The following FBXW8 variants were observed in gnomAD, a reference collection of about 807,000 sequenced individuals.
FBXW8 encodes the protein F-box/WD repeat-containing protein 8.
Under a neutral mutation model 65.3 loss-of-function variants are expected in FBXW8, and 57 were observed. The ratio of observed to expected loss-of-function variants is 0.87; its 90% CI spans 0.71 to 1.09. FBXW8 has a LOEUF of 1.09. Ranked by LOEUF, FBXW8 falls within the 50% of genes least tolerant of loss-of-function variation. The pLI, the probability that FBXW8 is intolerant of heterozygous loss-of-function variation, is 0.00. For synonymous variants in FBXW8, 308 were observed against 330.2 expected (o/e 0.93, Z 0.73); for missense variants, 777 against 814.8 (o/e 0.95, Z 0.57).
intron 1 of FBXW8, among the ~76,000 whole-genome samples, chr12:116,923,859 T>C (rs1156713859): frequency 6.6e-6 from 1 of 152,188 alleles, no homozygotes; most frequent in Non-Finnish European, 1.5e-5. Flanking sequence ...TAACTGGGAC[T>C]ACAGGCGCCT....
At chr12:117,007,184 A>T (rs1953695434) in intron 7 of FBXW8, among the ~76,000 whole-genome samples, 2 of 152,222 alleles carry the variant, frequency 1.3e-5, no homozygotes, top group South Asian at 4.1e-4. Flanking sequence ...TAGATTTCAG[A>T]TACATCAGAA....
chr12:117,014,268 A>T (rs1953895324), intron 8 of FBXW8, among the ~76,000 whole-genome samples: 1 of 152,014 alleles, frequency 6.6e-6, no homozygotes, highest in Non-Finnish European at 1.5e-5. Flanking sequence ...TTGGTTAAAA[A>T]TTTCCATTTG....
At chr12:116,947,696 G>A (rs551527840) in intron 3 of FBXW8, among the ~76,000 whole-genome samples, 14 of 142,498 alleles carry the variant, frequency 9.8e-5, no homozygotes, top group Non-Finnish European at 1.8e-4. Context: ...CCAAGATTGC[G>A]CCATTGCACT....
At chr12:116,962,343 AG>A (rs1452650007) in intron 4 of FBXW8, among the ~76,000 whole-genome samples, 1 of 152,216 alleles carries the variant, frequency 6.6e-6, no homozygotes, top group Non-Finnish European at 1.5e-5. Flanking sequence ...CTGGTTCAGC[AG>A]CTAAAGTACC....
At chr12:116,970,653 A>G (rs1444284152) in intron 5 of FBXW8, among the ~76,000 whole-genome samples, 1 of 152,206 alleles carries the variant, frequency 6.6e-6, no homozygotes, top group Non-Finnish European at 1.5e-5. Context: ...TTTTGTTTGT[A>G]TGCTGATGAT....
intron 1 of FBXW8, among the ~76,000 whole-genome samples, chr12:116,923,027 A>C (rs906200349): frequency 6.6e-6 from 1 of 152,152 alleles, no homozygotes; most frequent in Non-Finnish European, 1.5e-5. Flanking sequence ...CAACATGACA[A>C]AACCCTGTCT....
chr12:116,976,125 G>A (rs1051471594), intron 5 of FBXW8, among the ~76,000 whole-genome samples: 1 of 152,130 alleles, frequency 6.6e-6, no homozygotes, highest in Non-Finnish European at 1.5e-5. Flanking sequence ...AATCAAAAAA[G>A]ACTATCAAAT....
At position 116,927,946 on chromosome 12, in the gene FBXW8, C is replaced by A; in HGVS notation, c.319-77C>A. 3 of 828,888 alleles carry A rather than the reference C, an allele frequency of 3.6e-6. No individual in the cohort carries two copies. The South Asian group carries it at 5.0e-5, about 14-fold the overall frequency. 51.3% of individuals were successfully genotyped at this position (828,888 alleles called of 1,614,324 possible). ...GTTACCACCTAAGAATATCTCTGGT[C>A]ATTTAAAGGGCCTGTAAATTTGAGT... On this transcript the variant is annotated intron_variant, in intron 1 of 10. Coordinates refer to ENST00000652555, the MANE Select transcript of FBXW8 (RefSeq NM_153348.3).
chr12:117,018,491 C>T (rs564732552), intron 8 of FBXW8, among the ~76,000 whole-genome samples: 34 of 152,336 alleles, frequency 2.2e-4, no homozygotes, highest in Middle Eastern at 3.4e-3. Context: ...GCACGGCATT[C>T]GGGCCTGTGC....
At chr12:116,955,180 C>T (rs114921516) in intron 4 of FBXW8, among the ~76,000 whole-genome samples, 203 of 152,284 alleles carry the variant, frequency 1.3e-3, no homozygotes, top group Middle Eastern at 6.8e-3. Flanking sequence ...CCATTACCTC[C>T]GTGAGCGCCT....
chr12:116,947,836 A>G (rs1352760565), intron 3 of FBXW8, among the ~76,000 whole-genome samples: 1 of 151,964 alleles, frequency 6.6e-6, no homozygotes, highest in Non-Finnish European at 1.5e-5. Context: ...TCTCTAGAGT[A>G]GGGGCTAGGA....
chr12:116,932,544 T>C (rs973652087), intron 2 of FBXW8, among the ~76,000 whole-genome samples: 1 of 152,214 alleles, frequency 6.6e-6, no homozygotes, highest in Non-Finnish European at 1.5e-5. Flanking sequence ...GGTGTTCTAC[T>C]CTTTCTTTTT....
chr12:116,912,132 C>T (rs983179889), intron 1 of FBXW8, among the ~76,000 whole-genome samples: 2 of 150,832 alleles, frequency 1.3e-5, no homozygotes, highest in Non-Finnish European at 2.9e-5. Context: ...AAGGAAGTCC[C>T]TACAGCTTTA....
intron 7 of FBXW8, among the ~76,000 whole-genome samples, chr12:116,992,717 A>G (rs1471527705): frequency 6.6e-6 from 1 of 151,730 alleles, no homozygotes; most frequent in East Asian, 1.9e-4. Context: ...CCAAGTTGCT[A>G]CAAAGGACAT....
intron 1 of FBXW8, among the ~76,000 whole-genome samples, chr12:116,923,665 A>G (rs1219021751): frequency 6.6e-6 from 1 of 151,748 alleles, no homozygotes; most frequent in Non-Finnish European, 1.5e-5. Context: ...CTGGGACTAC[A>G]GGCGCCTGCC....
chr12:116,923,542 C>G (rs1190196642), intron 1 of FBXW8, among the ~76,000 whole-genome samples: 1 of 151,138 alleles, frequency 6.6e-6, no homozygotes, highest in Non-Finnish European at 1.5e-5. Flanking sequence ...TGTTTTGAGA[C>G]AGAGTCTCGC....
intron 5 of FBXW8, among the ~76,000 whole-genome samples, chr12:116,976,450 CTTTTTTTTT>C (rs35364851): frequency 9.3e-5 from 6 of 64,608 alleles, no homozygotes; most frequent in East Asian, 9.1e-4. Context: ...CCAAAGGATC[CTTTTTTTTT>C]TTTTTTTTTT....
chr12:116,922,083 A>G (rs564003722), intron 1 of FBXW8, among the ~76,000 whole-genome samples: 102 of 152,020 alleles, frequency 6.7e-4, no homozygotes, highest in Admixed American at 1.7e-3. Flanking sequence ...GTCTATCTCA[A>G]TCACCCAAAG....
At position 116,910,969 on chromosome 12, in the gene FBXW8, C is replaced by G. The variant is rs907424047; in HGVS notation, c.-69C>G. 1 of 1,286,548 alleles carries G rather than the reference C, an allele frequency of 7.8e-7. No individual in the cohort carries two copies. Among genetic ancestry groups the G allele is most frequent in the African/African-American group, 1.6e-5 (1 of 64,288 alleles). 79.7% of individuals were successfully genotyped at this position (1,286,548 alleles called of 1,614,324 possible). A position where few individuals can be genotyped will look rare whatever the true frequency, so the allele number is the denominator to read the frequency against. ...CGGCTTCCGGCCGCGGCGGACACTT[C>G]CCTGGGCGGGACTGTCTCGTGGCAC... On this transcript the variant is annotated 5_prime_UTR_variant, in exon 1 of 11. Coordinates refer to ENST00000652555, the MANE Select transcript of FBXW8 (RefSeq NM_153348.3).
Sources: allele counts gnomAD v4.1 joint callset (sites outside exome capture counted in the v4.1 genomes callset), GRCh38; gene constraint gnomAD v4.1.1; transcripts MANE v1.5; gene names NCBI Gene and HGNC (gene_info 2026-07-23, HGNC 2026-07-21).